Variants in IQCM observed in about 807,000 individuals in gnomAD.
IQCM encodes IQ domain-containing protein M.
Under a neutral mutation model 57.6 loss-of-function variants are expected in IQCM, and 45 were observed. That is an observed-to-expected ratio of 0.78 (90% confidence interval 0.62 to 1.00). IQCM has a LOEUF of 1.00. IQCM is among the 50% of genes least tolerant of loss of function. IQCM has a pLI of 0.00. For synonymous variants in IQCM, 148 were observed against 158.9 expected (o/e 0.93, Z 0.51); for missense variants, 468 against 511.6 (o/e 0.91, Z 0.82).
chr4:149,527,071 G>A (rs2359555), intron 12 of IQCM, among the ~76,000 whole-genome samples: 151,098 of 152,294 alleles, frequency 0.99, 74,973 homozygotes, highest in East Asian at 1. Context: ...TTATCTCAGC[G>A]AGAACTAACG....
At chr4:149,474,585 C>G (rs1323195012) in intron 12 of IQCM, among the ~76,000 whole-genome samples, 1 of 148,616 alleles carries the variant, frequency 6.7e-6, no homozygotes, top group East Asian at 2.0e-4. Context: ...GGTGTGGTAG[C>G]ATGTGCCTGT....
chr4:149,739,548 T>C (rs1051921596), intron 3 of IQCM, among the ~76,000 whole-genome samples: 2 of 152,060 alleles, frequency 1.3e-5, no homozygotes, highest in Non-Finnish European at 2.9e-5. Context: ...TAAATTGTCT[T>C]ATTAAAATTC....
chr4:149,580,558 T>A (rs924616540), intron 9 of IQCM, among the ~76,000 whole-genome samples: 2 of 151,866 alleles, frequency 1.3e-5, no homozygotes, highest in African/African-American at 4.8e-5. Context: ...TTTTGATGTG[T>A]CTGAATTTCA....
chr4:149,532,561 T>C lies in IQCM; in HGVS notation c.1228+15894A>G, dbSNP rs1406646189. Among the ~76,000 whole-genome samples, 3 of 151,708 alleles carry C rather than the reference T, an allele frequency of 2.0e-5. No individual in the cohort carries two copies. In the East Asian group the frequency reaches 5.8e-4, roughly 29 times the overall value. On this transcript the variant is annotated intron_variant, in intron 12 of 13. Transcript: ENST00000636793. ...CAAGAAAAAAAAAGAGACTGAATCA[T>C]TTCTTTTTATCACTAGAGGACTATG...
At chr4:149,712,287 C>T (rs755937135) in intron 5 of IQCM, among the ~76,000 whole-genome samples, 12 of 152,082 alleles carry the variant, frequency 7.9e-5, no homozygotes, top group Admixed American at 5.2e-4. Context: ...TGTTTTGCAC[C>T]GGACAGTGAT....
chr4:149,814,375 A>T (rs1160432663), intron 2 of IQCM, among the ~76,000 whole-genome samples: 4 of 151,944 alleles, frequency 2.6e-5, no homozygotes, highest in African/African-American at 9.7e-5. Flanking sequence ...GTCATGCTAC[A>T]TTGGAATCAG....
intron 12 of IQCM, among the ~76,000 whole-genome samples, chr4:149,535,177 C>T (rs531423961): frequency 3.3e-5 from 5 of 152,132 alleles, no homozygotes; most frequent in Admixed American, 2.0e-4. Flanking sequence ...GAAGTTTTCA[C>T]TTTACTGTAG....
At chr4:149,764,003 C>T (rs1769789937) in intron 2 of IQCM, among the ~76,000 whole-genome samples, 1 of 151,930 alleles carries the variant, frequency 6.6e-6, no homozygotes, top group Non-Finnish European at 1.5e-5. Context: ...AATAAAAAAT[C>T]CTCAAATTAC....
chr4:149,371,231 G>A (rs1030691033), intron 13 of IQCM, among the ~76,000 whole-genome samples: 8 of 152,202 alleles, frequency 5.3e-5, no homozygotes, highest in Non-Finnish European at 7.4e-5. Context: ...GTAAGCAAAC[G>A]TGGGGCAACT....
chr4:149,447,927 G>A (rs1736691666), intron 12 of IQCM, among the ~76,000 whole-genome samples: 1 of 151,506 alleles, frequency 6.6e-6, no homozygotes, highest in African/African-American at 2.4e-5. Context: ...ATAGGAATTA[G>A]AAACAATGAG....
chr4:149,528,498 G>C (rs1443117468), intron 12 of IQCM, among the ~76,000 whole-genome samples: 1 of 152,138 alleles, frequency 6.6e-6, no homozygotes, highest in Non-Finnish European at 1.5e-5. Flanking sequence ...CATAACATAG[G>C]TAATCTCAAA....
intron 12 of IQCM, among the ~76,000 whole-genome samples, chr4:149,530,042 C>G (rs554833629): frequency 6.6e-6 from 1 of 152,202 alleles, no homozygotes; most frequent in Non-Finnish European, 1.5e-5. Flanking sequence ...AGGACTTGAT[C>G]CTTCCCACAG....
At chr4:149,783,125 T>C (rs1030399197) in intron 2 of IQCM, among the ~76,000 whole-genome samples, 3 of 152,156 alleles carry the variant, frequency 2.0e-5, no homozygotes, top group African/African-American at 7.2e-5. Context: ...CTAACTACTT[T>C]CTCCACATCT....
chr4:149,520,032 A>G (rs1484790565), intron 12 of IQCM, among the ~76,000 whole-genome samples: 1 of 152,028 alleles, frequency 6.6e-6, no homozygotes, highest in Non-Finnish European at 1.5e-5. Flanking sequence ...AAATAAAACC[A>G]CTATCCTATT....
At chr4:149,357,671 A>T (rs1040114151) in intron 13 of IQCM, among the ~76,000 whole-genome samples, 2 of 152,174 alleles carry the variant, frequency 1.3e-5, no homozygotes, top group African/African-American at 2.4e-5. Flanking sequence ...GGATTTTTGC[A>T]CCAATGTTTA....
intron 9 of IQCM, among the ~76,000 whole-genome samples, chr4:149,586,590 T>A (rs1460303900): frequency 6.6e-6 from 1 of 151,644 alleles, no homozygotes; most frequent in African/African-American, 2.4e-5. Flanking sequence ...TTTCCCTAAT[T>A]TCTATTTCAT....
chr4:149,381,201 CTTA>C (rs1377332855), intron 13 of IQCM, among the ~76,000 whole-genome samples: 2 of 152,124 alleles, frequency 1.3e-5, no homozygotes, highest in Non-Finnish European at 2.9e-5. Context: ...CTGCACACTT[CTTA>C]TTATCTTCAT....
At chr4:149,425,890 T>A (rs1734430274) in intron 13 of IQCM, among the ~76,000 whole-genome samples, 1 of 152,076 alleles carries the variant, frequency 6.6e-6, no homozygotes, top group East Asian at 1.9e-4. Flanking sequence ...ATTTATTTTA[T>A]AACTATTAAA....
intron 13 of IQCM, among the ~76,000 whole-genome samples, chr4:149,397,052 T>C (rs182218008): frequency 6.6e-6 from 1 of 152,126 alleles, no homozygotes; most frequent in East Asian, 1.9e-4. Flanking sequence ...TTCTTTTGGT[T>C]ATATACCTAG....
Sources: allele counts gnomAD v4.1 joint callset (sites outside exome capture counted in the v4.1 genomes callset), GRCh38; gene constraint gnomAD v4.1.1; transcripts MANE v1.5; gene names NCBI Gene and HGNC (gene_info 2026-07-23, HGNC 2026-07-21).